Variants in ASXL2 observed in about 807,000 individuals in gnomAD.
ASXL2 encodes the protein putative Polycomb group protein ASXL2.
Under a neutral mutation model 122.0 loss-of-function variants are expected in ASXL2, and 23 were observed. The observed-to-expected ratio is 0.19, with a 90% CI of 0.14 to 0.27. The LOEUF is 0.27. ASXL2 is among the 10% of genes least tolerant of loss of function. ASXL2 has a pLI of 1.00. For missense variants in ASXL2, 1,518 were observed against 1,713.8 expected, an observed-to-expected ratio of 0.89 and a Z score of 2.02; for synonymous variants, 650 against 637.0, an observed-to-expected ratio of 1.02 and a Z score of -0.31.
chr2:25,763,402 A>G (rs1448641941), intron 8 of ASXL2, among the ~76,000 whole-genome samples: 1 of 152,100 alleles, frequency 6.6e-6, no homozygotes, highest in African/African-American at 2.4e-5. Context: ...AGGCAGGAGA[A>G]TCGCTTGAAC....
chr2:25,789,967 T>C (rs933598709), intron 5 of ASXL2, among the ~76,000 whole-genome samples: 3 of 152,136 alleles, frequency 2.0e-5, no homozygotes, highest in Admixed American at 6.5e-5. Flanking sequence ...ATCGTAATAG[T>C]TAATTATTTA....
chr2:25,788,909 T>C (rs1347679298), intron 5 of ASXL2, among the ~76,000 whole-genome samples: 1 of 152,198 alleles, frequency 6.6e-6, no homozygotes, highest in African/African-American at 2.4e-5. Flanking sequence ...AACTTCTTAA[T>C]GTACCCAGTA....
At position 25,822,790 on chromosome 2, in the gene ASXL2, A is replaced by G; in HGVS notation, c.143+12748T>C. On this transcript the variant is annotated intron_variant, in intron 3 of 12. Coordinates refer to ENST00000435504, the MANE Select transcript of ASXL2 (RefSeq NM_018263.6). ...AGTGTGGACTTCAGTAATTGGAAAC[A>G]CTGGGAAGATGGTTCAGATGAAGAC... is the stretch of plus-strand genomic sequence containing the variant. 4 of 573,560 alleles carry G rather than the reference A, an allele frequency of 7.0e-6. No homozygotes were observed. In the Admixed American group the frequency reaches 7.6e-5, roughly 11 times the overall value. The allele number at this position is 573,560 out of a possible 1,614,324, so 35.5% of individuals were successfully genotyped here. A position where few individuals can be genotyped will look rare whatever the true frequency, so the allele number is the denominator to read the frequency against.
intron 10 of ASXL2, among the ~76,000 whole-genome samples, chr2:25,755,641 A>T (rs1190307856): frequency 6.6e-6 from 1 of 152,230 alleles, no homozygotes; most frequent in Non-Finnish European, 1.5e-5. Context: ...ACTGCTTACC[A>T]AACTGGGATG....
At chr2:25,851,901 A>G (rs745332041) in intron 1 of ASXL2, among the ~76,000 whole-genome samples, 4 of 152,198 alleles carry the variant, frequency 2.6e-5, no homozygotes, top group Non-Finnish European at 5.9e-5. Flanking sequence ...CCCCACCAAA[A>G]AAAGAAAGAA....
At chr2:25,786,078 G>A (rs191066019) in intron 5 of ASXL2, among the ~76,000 whole-genome samples, 2 of 152,066 alleles carry the variant, frequency 1.3e-5, no homozygotes, top group Non-Finnish European at 1.5e-5. Flanking sequence ...CATTTAATAC[G>A]TAAAATCAAT....
intron 1 of ASXL2, among the ~76,000 whole-genome samples, chr2:25,876,917 A>G (rs1034030415): frequency 1.3e-5 from 2 of 152,268 alleles, no homozygotes; most frequent in African/African-American, 4.8e-5. Flanking sequence ...AATGCACAAG[A>G]CTGAATAAAC....
At chr2:25,830,185 T>G (rs1193456689) in intron 3 of ASXL2, among the ~76,000 whole-genome samples, 2 of 152,160 alleles carry the variant, frequency 1.3e-5, no homozygotes, top group African/African-American at 2.4e-5. Flanking sequence ...ATGGTAAACC[T>G]AAGTAAGCAC....
At position 25,742,173 on chromosome 2, in the gene ASXL2, G is replaced by C; in HGVS notation, c.4164C>G (p.Ser1388=). Residue 1388 remains serine, a synonymous_variant, in exon 13 of 13, where the codon TCC becomes TCG. Transcript: ENST00000435504. ...GCGTGCCCTCTATGCTGTTCTCTTC[G>C]GAGAACGCCTGAACAGGAATGGTCT... The part of the protein sequence containing the change: ...HGQTIPVQAF[S]EENSIEGTPS... The C allele has an allele frequency of 1.9e-6, 3 of 1,613,994 alleles. No homozygotes were observed. The highest frequency in any genetic ancestry group is 2.5e-6 in the Non-Finnish European group (3 of 1,179,894).
chr2:25,843,316 A>AT (rs1474488964), intron 2 of ASXL2, among the ~76,000 whole-genome samples: 3 of 150,716 alleles, frequency 2.0e-5, no homozygotes, highest in Non-Finnish European at 3.0e-5. Flanking sequence ...AAAAAAAAAA[A>AT]AAAATAGAGA....
chr2:25,867,305 G>A (rs992134358), intron 1 of ASXL2, among the ~76,000 whole-genome samples: 1 of 152,054 alleles, frequency 6.6e-6, no homozygotes, highest in Non-Finnish European at 1.5e-5. Context: ...GAAACTTCAG[G>A]AGGCTCGCAG....
intron 8 of ASXL2, among the ~76,000 whole-genome samples, chr2:25,766,216 A>G (rs1406879407): frequency 6.6e-6 from 1 of 151,880 alleles, no homozygotes; most frequent in Non-Finnish European, 1.5e-5. Context: ...TTACCTTTTC[A>G]TGACCCCATA....
At chr2:25,859,053 G>A (rs1188152280) in intron 1 of ASXL2, among the ~76,000 whole-genome samples, 2 of 151,812 alleles carry the variant, frequency 1.3e-5, no homozygotes, top group Non-Finnish European at 2.9e-5. Context: ...TACCTCAGGT[G>A]ATCTGCCTGC....
rs1439665745 is a variant in ASXL2, at chr2:25,764,368, GA to G, written c.775+3214del. On this transcript the variant is annotated intron_variant, in intron 8 of 12. Transcript: ENST00000435504. ...TTTCTGGCTTCCCTGGGCCACATTG[GA>G]AGGAGAAGAACTGTTGTGGGCCACA... 2.0e-5 allele frequency among the ~76,000 whole-genome samples: 3 copies of G among 152,158 alleles called. No homozygotes were observed. In the East Asian group the frequency reaches 5.8e-4, roughly 29 times the overall value.
rs1272204621 is a variant in ASXL2 at position 25,741,934 on chromosome 2, CTTGT to C, written c.*91_*94del. The C allele has an allele frequency of 7.3e-6, 9 of 1,228,264 alleles. No individual in the cohort carries two copies. Among genetic ancestry groups the C allele is most frequent in the East Asian group, 2.4e-5 (1 of 42,510 alleles). 76.1% of individuals were successfully genotyped at this position (1,228,264 alleles called of 1,614,324 possible). A position where few individuals can be genotyped will look rare whatever the true frequency, so the allele number is the denominator to read the frequency against. The stretch of plus-strand genomic sequence containing the variant: ...TGTCTCTGAAGACAACTGAAACCTA[CTTGT>C]TTATTTCTGTGATTCCAAAAGGACG... On this transcript the variant is annotated 3_prime_UTR_variant, in exon 13 of 13. Transcript: ENST00000435504.
intron 2 of ASXL2, among the ~76,000 whole-genome samples, chr2:25,843,383 C>G (rs1056950469): frequency 6.6e-6 from 1 of 151,702 alleles, no homozygotes; most frequent in Non-Finnish European, 1.5e-5. Context: ...AGGTGATCGG[C>G]CTGCCTCGGC....
intron 5 of ASXL2, among the ~76,000 whole-genome samples, chr2:25,787,710 A>T (rs2088771004): frequency 6.6e-6 from 1 of 152,066 alleles, no homozygotes; most frequent in East Asian, 1.9e-4. Context: ...AAGACCTGTA[A>T]GACAGAAAAA....
intron 1 of ASXL2, among the ~76,000 whole-genome samples, chr2:25,866,766 T>G (rs951400713): frequency 6.6e-6 from 1 of 152,170 alleles, no homozygotes; most frequent in Non-Finnish European, 1.5e-5. Flanking sequence ...AGAGTCTTGC[T>G]CTGTTGCCCA....
intron 4 of ASXL2, among the ~76,000 whole-genome samples, chr2:25,802,757 A>G (rs1051704273): frequency 5.3e-5 from 8 of 152,196 alleles, no homozygotes; most frequent in African/African-American, 1.9e-4. Context: ...GCTGATCACC[A>G]ACGGCCAATA....
Sources: allele counts gnomAD v4.1 joint callset (sites outside exome capture counted in the v4.1 genomes callset), GRCh38; gene constraint gnomAD v4.1.1; transcripts MANE v1.5; gene names NCBI Gene and HGNC (gene_info 2026-07-23, HGNC 2026-07-21).